The following TBC1D4 variants were observed in gnomAD, a reference collection of about 807,000 sequenced individuals.
The protein encoded by TBC1D4 is TBC (Tre-2, BUB2, CDC16) domain-containing protein.
A neutral mutation model predicts 142.5 loss-of-function variants in TBC1D4; 121 were observed. The observed-to-expected ratio is 0.85, with a 90% CI of 0.73 to 0.99. TBC1D4 has a LOEUF of 0.99. TBC1D4 is among the 50% of genes least tolerant of loss of function. The pLI is 0.00. For synonymous variants in TBC1D4, 630 were observed against 628.2 expected, an observed-to-expected ratio of 1.00 and a Z score of -0.04; for missense variants, 1,475 against 1,606.6, an observed-to-expected ratio of 0.92 and a Z score of 1.40.
chr13:75,393,368 A>G (rs1427231476), intron 1 of TBC1D4, among the ~76,000 whole-genome samples: 1 of 152,156 alleles, frequency 6.6e-6, no homozygotes, highest in East Asian at 1.9e-4. Context: ...CTCAGTTCTT[A>G]ATATTTATAT....
chr13:75,437,792 G>C (rs1198140334), intron 1 of TBC1D4, among the ~76,000 whole-genome samples: 2 of 152,154 alleles, frequency 1.3e-5, no homozygotes, highest in Non-Finnish European at 2.9e-5. Flanking sequence ...AGAGCAAGCT[G>C]TTAAGTGCCC....
At chr13:75,363,191 T>C (rs1882677965) in intron 1 of TBC1D4, among the ~76,000 whole-genome samples, 1 of 152,228 alleles carries the variant, frequency 6.6e-6, no homozygotes, top group South Asian at 2.1e-4. Context: ...CTCTAGAGGA[T>C]GGTTTGGCAG....
chr13:75,416,142 A>C (rs1885907013), intron 1 of TBC1D4, among the ~76,000 whole-genome samples: 1 of 152,192 alleles, frequency 6.6e-6, no homozygotes, highest in South Asian at 2.1e-4. Flanking sequence ...TCTTTCCTTT[A>C]TTATTTTATG....
intron 5 of TBC1D4, among the ~76,000 whole-genome samples, chr13:75,345,312 G>A (rs985653582): frequency 7.9e-5 from 12 of 152,158 alleles, no homozygotes; most frequent in Non-Finnish European, 1.6e-4. Flanking sequence ...CTGCCTTACT[G>A]TTACTACCTT....
At chr13:75,423,941 T>C (rs952456282) in intron 1 of TBC1D4, among the ~76,000 whole-genome samples, 10 of 152,208 alleles carry the variant, frequency 6.6e-5, no homozygotes, top group African/African-American at 2.4e-4. Flanking sequence ...CTGTACACTT[T>C]AAAATAGTTA....
At chr13:75,452,109 G>A (rs1328806400) in intron 1 of TBC1D4, among the ~76,000 whole-genome samples, 1 of 150,174 alleles carries the variant, frequency 6.7e-6, no homozygotes. Context: ...CTTTTTTTTT[G>A]GTTGCTTATA....
At chr13:75,337,178 C>G (rs764424203) in intron 7 of TBC1D4, 138 bp from the exon 8 acceptor site, 6 of 750,958 alleles carry the variant, frequency 8.0e-6, no homozygotes, top group Non-Finnish European at 6.6e-6. Context: ...TAATTTAGGT[C>G]CCACACTGTG....
At chr13:75,434,375 G>A in intron 1 of TBC1D4, among the ~76,000 whole-genome samples, 1 of 152,174 alleles carries the variant, frequency 6.6e-6, no homozygotes, top group East Asian at 1.9e-4. Flanking sequence ...GGTGGTGCTG[G>A]AGGCTATTAT....
Position 75,286,115 on chromosome 13 carries a change from A to T in TBC1D4, c.*677T>A, listed in dbSNP as rs1402470463. The T allele has an allele frequency of 1.3e-5, 2 of 152,776 alleles. No homozygotes were observed. Among genetic ancestry groups the T allele is most frequent in the East Asian group, 3.9e-4 (2 of 5,186 alleles). 9.5% of individuals were successfully genotyped at this position (152,776 alleles called of 1,614,324 possible). On this transcript the variant is annotated 3_prime_UTR_variant, in exon 21 of 21. Transcript: ENST00000377636. ...ACAATGTCCTACTGTCTCTTTATGTATGTTTAAAGTAATGCCTAACCAGAC... is the reference window on the plus strand; with the variant it reads ...ACAATGTCCTACTGTCTCTTTATGTTTGTTTAAAGTAATGCCTAACCAGAC...
At chr13:75,342,437 G>A (rs1345922892) in intron 5 of TBC1D4, among the ~76,000 whole-genome samples, 2 of 152,162 alleles carry the variant, frequency 1.3e-5, no homozygotes, top group African/African-American at 4.8e-5. Flanking sequence ...CTACGGCTTT[G>A]ACAGAGATCT....
chr13:75,340,249 T>C (rs1880570693), intron 7 of TBC1D4, among the ~76,000 whole-genome samples: 1 of 152,248 alleles, frequency 6.6e-6, no homozygotes, highest in Non-Finnish European at 1.5e-5. Context: ...TGATTTGTTC[T>C]GAATATAGTG....
At chr13:75,346,298 AC>A (rs1881142098) in intron 5 of TBC1D4, among the ~76,000 whole-genome samples, 1 of 151,034 alleles carries the variant, frequency 6.6e-6, no homozygotes, top group Non-Finnish European at 1.5e-5. Flanking sequence ...CCTCCCCTAG[AC>A]CCCCACCCCT....
chr13:75,366,155 A>G (rs1314695255), intron 1 of TBC1D4, among the ~76,000 whole-genome samples: 2 of 152,186 alleles, frequency 1.3e-5, no homozygotes, highest in Non-Finnish European at 2.9e-5. Context: ...ATTTACACAC[A>G]CCAATTTAAG....
intron 1 of TBC1D4, among the ~76,000 whole-genome samples, chr13:75,425,935 G>T (rs777386038): frequency 6.6e-6 from 1 of 152,014 alleles, no homozygotes; most frequent in African/African-American, 2.4e-5. Flanking sequence ...TTATATACTC[G>T]AAGTCTTTGA....
intron 4 of TBC1D4, among the ~76,000 whole-genome samples, chr13:75,355,441 T>C (rs17064233): frequency 0.022 from 3,331 of 152,320 alleles, 113 homozygotes; most frequent in African/African-American, 0.067. Context: ...CTGCCTTACA[T>C]ATGAACTCCA....
At chr13:75,391,176 T>A (rs1227833979) in intron 1 of TBC1D4, among the ~76,000 whole-genome samples, 1 of 139,046 alleles carries the variant, frequency 7.2e-6, no homozygotes, top group Non-Finnish European at 1.5e-5. Context: ...CCTTCTCTAC[T>A]CTATCCTCCC....
At chr13:75,345,965 C>T (rs1389446000) in intron 5 of TBC1D4, among the ~76,000 whole-genome samples, 1 of 152,104 alleles carries the variant, frequency 6.6e-6, no homozygotes, top group African/African-American at 2.4e-5. Context: ...ATTTTAAAAA[C>T]AGAAATACAA....
chr13:75,466,729 G>T (rs144953772), intron 1 of TBC1D4, among the ~76,000 whole-genome samples: 3,788 of 151,858 alleles, frequency 0.025, 163 homozygotes, highest in African/African-American at 0.087. Context: ...AAATTAGCTG[G>T]GCATGGTGGT....
chr13:75,468,178 C>T (rs1287993486), intron 1 of TBC1D4, among the ~76,000 whole-genome samples: 1 of 152,150 alleles, frequency 6.6e-6, no homozygotes, highest in Non-Finnish European at 1.5e-5. Flanking sequence ...TTTCATGTTA[C>T]ATGACTAATT....
Sources: allele counts gnomAD v4.1 joint callset (sites outside exome capture counted in the v4.1 genomes callset), GRCh38; gene constraint gnomAD v4.1.1; transcripts MANE v1.5; gene names NCBI Gene and HGNC (gene_info 2026-07-23, HGNC 2026-07-21).